GALNT13: variants seen among roughly 807,000 people sequenced by gnomAD.
GALNT13 encodes UDP-GalNAc:polypeptide N-acetylgalactosaminyltransferase 13.
Under a neutral mutation model 64.2 loss-of-function variants are expected in GALNT13, and 28 were observed. That is an observed-to-expected ratio of 0.44 (90% CI 0.32 to 0.60). GALNT13 has a LOEUF of 0.60. GALNT13 is among the 20% of genes least tolerant of loss of function. The pLI, the probability that GALNT13 is intolerant of heterozygous loss-of-function variation, is 0.05. For synonymous variants in GALNT13, 214 were observed against 224.6 expected (o/e 0.95, Z 0.42); for missense variants, 577 against 669.8 (o/e 0.86, Z 1.53).
the GALNT13 span, chr2:153,356,446 A>G: frequency 2.0e-5 from 3 of 152,194 alleles, no homozygotes. Context: ...ACTATCTTTC[A>G]AAGTGCCTCT....
At chr2:153,564,659 G>C in the GALNT13 span, among the ~76,000 whole-genome samples, 1 of 151,284 alleles carries the variant, frequency 6.6e-6, no homozygotes, top group African/African-American at 2.4e-5. Context: ...AATGAAGTCT[G>C]AACCAAGCCT....
chr2:154,220,804 T>A (rs536763686), intron 4 of GALNT13, among the ~76,000 whole-genome samples: 1 of 152,210 alleles, frequency 6.6e-6, no homozygotes, highest in Admixed American at 6.6e-5. Flanking sequence ...GCCCATTGTT[T>A]ATAACATTTA....
chr2:153,463,471 A>G, the GALNT13 span, among the ~76,000 whole-genome samples: 1 of 152,068 alleles, frequency 6.6e-6, no homozygotes. Context: ...AAATAGATGT[A>G]TCTCCCTGCC....
chr2:154,355,048 TTTG>T (rs1696656243), intron 9 of GALNT13, among the ~76,000 whole-genome samples: 1 of 152,066 alleles, frequency 6.6e-6, no homozygotes, highest in Non-Finnish European at 1.5e-5. Context: ...TACCTTTTCT[TTTG>T]TGGACTGATT....
intron 9 of GALNT13, among the ~76,000 whole-genome samples, chr2:154,347,308 C>T (rs973344307): frequency 2.6e-5 from 4 of 152,072 alleles, no homozygotes; most frequent in Non-Finnish European, 4.4e-5. Context: ...GGAGCACATA[C>T]TGCATAAAAG....
intron 4 of GALNT13, among the ~76,000 whole-genome samples, chr2:154,238,635 A>G (rs1232118762): frequency 6.6e-6 from 1 of 152,038 alleles, no homozygotes; most frequent in African/African-American, 2.4e-5. Flanking sequence ...AAACTGACAT[A>G]GAAAAGAACT....
chr2:154,302,571 T>C (rs1416304439), intron 9 of GALNT13, among the ~76,000 whole-genome samples: 5 of 152,220 alleles, frequency 3.3e-5, no homozygotes, highest in Admixed American at 6.5e-5. Context: ...AGAGCTTTAC[T>C]CTGAACCAAA....
chr2:153,829,351 TGGCTGGGGA>T, the GALNT13 span, among the ~76,000 whole-genome samples: 9 of 152,112 alleles, frequency 5.9e-5, no homozygotes, highest in Non-Finnish European at 1.3e-4. Flanking sequence ...CAGTTCCACA[TGGCTGGGGA>T]GGCCTGACAA....
At chr2:153,874,673 C>G (rs1686231787) in intron 1 of GALNT13, among the ~76,000 whole-genome samples, 1 of 152,022 alleles carries the variant, frequency 6.6e-6, no homozygotes. Context: ...TGCTAAGGAG[C>G]CTGCAGCTAA....
At chr2:153,536,754 A>C in the GALNT13 span, among the ~76,000 whole-genome samples, 1 of 152,214 alleles carries the variant, frequency 6.6e-6, no homozygotes, top group Admixed American at 6.5e-5. Flanking sequence ...AAGACACATA[A>C]ACCTGTAAAT....
chr2:153,956,255 A>C (rs548551006), intron 3 of GALNT13, among the ~76,000 whole-genome samples: 1 of 152,210 alleles, frequency 6.6e-6, no homozygotes, highest in Non-Finnish European at 1.5e-5. Context: ...CTGACAAAAA[A>C]ACTAATGGAG....
intron 3 of GALNT13, among the ~76,000 whole-genome samples, chr2:154,083,481 G>T (rs1334317589): frequency 6.6e-6 from 1 of 151,926 alleles, no homozygotes; most frequent in Non-Finnish European, 1.5e-5. Context: ...GGATGGCATT[G>T]AATCTATAAA....
the GALNT13 span, among the ~76,000 whole-genome samples, chr2:153,583,809 C>T: frequency 6.6e-6 from 1 of 152,176 alleles, no homozygotes; most frequent in Admixed American, 6.5e-5. Context: ...GTTAGGGAAA[C>T]TTGTGCAGCA....
At chr2:153,621,891 T>C in the GALNT13 span, among the ~76,000 whole-genome samples, 2 of 152,126 alleles carry the variant, frequency 1.3e-5, no homozygotes, top group African/African-American at 4.8e-5. Context: ...ACATTGATTT[T>C]GGATAGTAAT....
the GALNT13 span, among the ~76,000 whole-genome samples, chr2:153,607,892 A>G: frequency 1.1e-4 from 17 of 152,302 alleles, 1 homozygote; most frequent in South Asian, 3.3e-3. Flanking sequence ...ATAATTTTTC[A>G]TCTAGCCACA....
chr2:154,248,732 A>G (rs534664681), intron 7 of GALNT13, among the ~76,000 whole-genome samples: 1 of 152,154 alleles, frequency 6.6e-6, no homozygotes, highest in Admixed American at 6.6e-5. Flanking sequence ...ATTTAATAGA[A>G]ACTGCCCATG....
chr2:153,110,818 C>T, the GALNT13 span, among the ~76,000 whole-genome samples: 2 of 152,036 alleles, frequency 1.3e-5, no homozygotes, highest in Non-Finnish European at 1.5e-5. Flanking sequence ...AGTAAGAAGG[C>T]GGTGAGACTA....
chr2:153,710,151 G>C, the GALNT13 span, among the ~76,000 whole-genome samples: 1 of 152,070 alleles, frequency 6.6e-6, no homozygotes, highest in African/African-American at 2.4e-5. Flanking sequence ...CACAACAGAT[G>C]ATACGTATGT....
chr2:153,128,154 T>G, the GALNT13 span, among the ~76,000 whole-genome samples: 1 of 152,222 alleles, frequency 6.6e-6, no homozygotes, highest in African/African-American at 2.4e-5. Context: ...TGTCTCTTAC[T>G]GAGTTTTGAA....
Sources: gnomAD v4.1 joint callset for allele counts (sites outside exome capture counted in the v4.1 genomes callset) on GRCh38, gnomAD v4.1.1 for gene constraint, MANE v1.5 for transcripts, NCBI Gene and HGNC (gene_info 2026-07-23, HGNC 2026-07-21) for gene names.